SUGCT: variants seen among roughly 807,000 people sequenced by gnomAD.
SUGCT encodes succinyl-CoA:glutarate-CoA transferase.
SUGCT carries 41 observed loss-of-function variants against 55.0 expected under a neutral mutation model. The ratio of observed to expected loss-of-function variants is 0.74; its 90% CI spans 0.58 to 0.97. SUGCT has a LOEUF of 0.97. Ranked by LOEUF, SUGCT falls within the 50% of genes least tolerant of loss-of-function variation. The pLI is 0.00. For synonymous variants in SUGCT, 187 were observed against 200.4 expected (o/e 0.93, Z 0.56); for missense variants, 568 against 547.8 (o/e 1.04, Z -0.37).
chr7:40,688,554 A>T (rs1488649468), intron 12 of SUGCT, among the ~76,000 whole-genome samples: 1 of 152,074 alleles, frequency 6.6e-6, no homozygotes, highest in Non-Finnish European at 1.5e-5. Context: ...TATATATATA[A>T]TATTTAAAAG....
chr7:40,953,719 C>A, the SUGCT span, among the ~76,000 whole-genome samples: 1 of 152,230 alleles, frequency 6.6e-6, no homozygotes, highest in South Asian at 2.1e-4. Context: ...GAGGTCCACT[C>A]CAGACCCTGT....
chr7:40,885,500 C>T, the SUGCT span, among the ~76,000 whole-genome samples: 1 of 152,144 alleles, frequency 6.6e-6, no homozygotes, highest in East Asian at 1.9e-4. Context: ...TTTGGGGACC[C>T]TTGTTCCCTT....
At chr7:40,422,971 CT>C (rs1787392517) in intron 9 of SUGCT, among the ~76,000 whole-genome samples, 1 of 152,108 alleles carries the variant, frequency 6.6e-6, no homozygotes, top group Non-Finnish European at 1.5e-5. Flanking sequence ...TTAAGTGCTA[CT>C]TGCTCATAGA....
intron 9 of SUGCT, among the ~76,000 whole-genome samples, chr7:40,371,182 C>CT (rs1259039434): frequency 6.6e-6 from 1 of 152,170 alleles, no homozygotes; most frequent in Non-Finnish European, 1.5e-5. Context: ...CACTTTCTCT[C>CT]TTTTTTCTTA....
chr7:40,862,675 G>A (rs1268725740), downstream of SUGCT, among the ~76,000 whole-genome samples: 1 of 151,896 alleles, frequency 6.6e-6, no homozygotes, highest in Non-Finnish European at 1.5e-5. Context: ...AAACTCAGTG[G>A]GGTAATCGTT....
intron 12 of SUGCT, 111 bp from the exon 13 acceptor site, chr7:40,749,323 G>A: frequency 1.2e-6 from 1 of 840,750 alleles, no homozygotes; most frequent in Non-Finnish European, 2.1e-6. Context: ...ACACTTCTGT[G>A]TTTTGCCATA....
intron 12 of SUGCT, among the ~76,000 whole-genome samples, chr7:40,521,824 C>T (rs1406318829): frequency 6.6e-6 from 1 of 152,004 alleles, no homozygotes; most frequent in African/African-American, 2.4e-5. Flanking sequence ...TTCATTTGCG[C>T]TAATAATAGT....
rs79848874 is a variant in SUGCT at position 40,644,158 on chromosome 7, G to A, written c.1090-105276G>A. The stretch of plus-strand genomic sequence containing the variant: ...TGTAAGTTCTGAAACTATAGGAGGG[G>A]GGAAAGATGGCGGAGGTTTCCTGGG... On this transcript the variant is annotated intron_variant, in intron 12 of 13. Transcript: ENST00000335693. Among the ~76,000 whole-genome samples the A allele has an allele frequency of 3.4e-3, 524 of 152,256 alleles. 9 individuals carry two copies. The highest frequency in any genetic ancestry group is 0.031 in the East Asian group (160 of 5,172).
At chr7:40,250,763 A>C (rs567277811) in intron 7 of SUGCT, among the ~76,000 whole-genome samples, 21 of 151,842 alleles carry the variant, frequency 1.4e-4, no homozygotes, top group African/African-American at 4.8e-4. Flanking sequence ...TCATTACTAA[A>C]AGATCCTGTG....
At chr7:40,991,108 A>G in the SUGCT span, among the ~76,000 whole-genome samples, 4 of 152,164 alleles carry the variant, frequency 2.6e-5, 1 homozygote, top group Non-Finnish European at 4.4e-5. Context: ...AATCATTTCC[A>G]GCGTTTGATT....
intron 12 of SUGCT, among the ~76,000 whole-genome samples, chr7:40,643,007 G>GA (rs199569604): frequency 0.01 from 1,563 of 152,246 alleles, 11 homozygotes; most frequent in Non-Finnish European, 0.018. Flanking sequence ...GAGGTGACTG[G>GA]AAGCTCCATT....
At chr7:40,805,020 T>A (rs925935685) in intron 13 of SUGCT, among the ~76,000 whole-genome samples, 1 of 152,206 alleles carries the variant, frequency 6.6e-6, no homozygotes, top group East Asian at 1.9e-4. Context: ...CTGTTTTCAC[T>A]TTTATTTGTG....
the SUGCT span, among the ~76,000 whole-genome samples, chr7:40,999,936 T>C: frequency 2.0e-5 from 3 of 152,186 alleles, no homozygotes; most frequent in African/African-American, 7.2e-5. Context: ...TTTTCATGGG[T>C]CCCTAAAAGT....
intron 9 of SUGCT, among the ~76,000 whole-genome samples, chr7:40,409,285 A>G (rs1173733276): frequency 1.3e-5 from 2 of 150,226 alleles, no homozygotes; most frequent in Non-Finnish European, 3.0e-5. Context: ...ATTTTTTGAG[A>G]CAGGGTCTTG....
intron 12 of SUGCT, among the ~76,000 whole-genome samples, chr7:40,639,606 G>A (rs1237447226): frequency 6.7e-6 from 1 of 149,426 alleles, no homozygotes; most frequent in Non-Finnish European, 1.5e-5. Flanking sequence ...CCTCCACTTC[G>A]TGGGTTCAAG....
intron 13 of SUGCT, among the ~76,000 whole-genome samples, chr7:40,803,702 T>A (rs981947933): frequency 6.6e-6 from 1 of 152,246 alleles, no homozygotes; most frequent in Non-Finnish European, 1.5e-5. Context: ...AATATGATCA[T>A]GCAACTAGAC....
chr7:40,998,227 C>A, the SUGCT span, among the ~76,000 whole-genome samples: 1 of 152,052 alleles, frequency 6.6e-6, no homozygotes, highest in African/African-American at 2.4e-5. Context: ...AATAAATTAG[C>A]CTGGCATGGT....
intron 1 of SUGCT, among the ~76,000 whole-genome samples, chr7:40,166,299 T>A (rs1223680075): frequency 6.6e-6 from 1 of 152,158 alleles, no homozygotes; most frequent in Non-Finnish European, 1.5e-5. Flanking sequence ...GTCACTGAGC[T>A]CTTATATAGT....
intron 7 of SUGCT, among the ~76,000 whole-genome samples, chr7:40,271,487 T>C (rs1792010807): frequency 6.6e-6 from 1 of 152,164 alleles, no homozygotes; most frequent in Non-Finnish European, 1.5e-5. Flanking sequence ...AAGTGTGATC[T>C]GGGTTATGAT....
Sources: gnomAD v4.1 joint callset for allele counts (sites outside exome capture counted in the v4.1 genomes callset) on GRCh38, gnomAD v4.1.1 for gene constraint, MANE v1.5 for transcripts, NCBI Gene and HGNC (gene_info 2026-07-23, HGNC 2026-07-21) for gene names.